EBF2: variants seen among roughly 807,000 people sequenced by gnomAD.
EBF2 encodes the protein transcription factor COE2.
EBF2 carries 21 observed loss-of-function variants against 72.8 expected under a neutral mutation model. That is an observed-to-expected ratio of 0.29 (90% CI 0.20 to 0.42). The LOEUF is 0.42. Ranked by LOEUF, EBF2 falls within the 10% of genes least tolerant of loss-of-function variation. The pLI is 1.00. For synonymous variants in EBF2, 299 were observed against 274.2 expected, an observed-to-expected ratio of 1.09 and a Z score of -0.89; for missense variants, 637 against 731.2, an observed-to-expected ratio of 0.87 and a Z score of 1.49.
intron 15 of EBF2, 110 bp downstream of exon 15, chr8:25,850,484 A>G (rs1244862921): frequency 7.7e-7 from 1 of 1,297,942 alleles, no homozygotes; most frequent in Non-Finnish European, 1.0e-6. Context: ...AGAACAGCAA[A>G]GCATCTCTTT....
chr8:25,979,221 G>A (rs1013256582), intron 6 of EBF2, among the ~76,000 whole-genome samples: 1 of 152,204 alleles, frequency 6.6e-6, no homozygotes, highest in Non-Finnish European at 1.5e-5. Context: ...AGGGTGAAAG[G>A]AGAGAAAATG....
At position 25,850,578 on chromosome 8, in the gene EBF2, T is replaced by A; in HGVS notation, c.1696+16A>T. The A allele has an allele frequency of 6.5e-7, 1 of 1,533,286 alleles. No homozygotes were observed. The highest frequency in any genetic ancestry group is 8.7e-7 in the Non-Finnish European group (1 of 1,149,902). 95.0% of individuals were successfully genotyped at this position (1,533,286 alleles called of 1,614,324 possible). A position where few individuals can be genotyped will look rare whatever the true frequency, so the allele number is the denominator to read the frequency against. On this transcript the variant is annotated intron_variant, in intron 15 of 15. Transcript: ENST00000520164. ...TATGGTACATTGTGTATCCCCAAAA[T>A]AGAACCCTTGCTTACCTCTGAATCC... is the stretch of plus-strand genomic sequence containing the variant.
At chr8:25,895,784 T>A (rs937226753) in intron 7 of EBF2, among the ~76,000 whole-genome samples, 1 of 152,188 alleles carries the variant, frequency 6.6e-6, no homozygotes, top group Non-Finnish European at 1.5e-5. Context: ...AATTTTCCAA[T>A]AGAGGAGTTA....
chr8:25,990,931 A>C (rs1477808235), intron 6 of EBF2, among the ~76,000 whole-genome samples: 1 of 152,234 alleles, frequency 6.6e-6, no homozygotes, highest in Non-Finnish European at 1.5e-5. Context: ...GCAGCACCAA[A>C]TTAAAATGGT....
chr8:25,917,452 T>C (rs1319468595), intron 6 of EBF2, among the ~76,000 whole-genome samples: 1 of 152,206 alleles, frequency 6.6e-6, no homozygotes, highest in Non-Finnish European at 1.5e-5. Flanking sequence ...GGAGGGCTCT[T>C]TGCAAAGCAC....
At chr8:25,983,837 T>C (rs530396171) in intron 6 of EBF2, among the ~76,000 whole-genome samples, 1 of 152,400 alleles carries the variant, frequency 6.6e-6, no homozygotes, top group African/African-American at 2.4e-5. Flanking sequence ...GGTATCAATG[T>C]CGATTTAAAA....
At chr8:25,911,023 G>A (rs553888787) in intron 6 of EBF2, among the ~76,000 whole-genome samples, 2 of 151,810 alleles carry the variant, frequency 1.3e-5, no homozygotes, top group South Asian at 2.1e-4. Context: ...TACTTTAACT[G>A]GTGTCTTCTG....
chr8:25,946,615 T>A (rs150334180), intron 6 of EBF2, among the ~76,000 whole-genome samples: 5 of 152,170 alleles, frequency 3.3e-5, no homozygotes, highest in Non-Finnish European at 5.9e-5. Context: ...CCTCATTGAA[T>A]GACAACACCC....
intron 15 of EBF2, among the ~76,000 whole-genome samples, chr8:25,848,642 G>A (rs566659802): frequency 4.6e-5 from 7 of 152,162 alleles, no homozygotes; most frequent in South Asian, 2.1e-4. Context: ...CCACTTTCCC[G>A]TGAGAGAGGA....
chr8:25,978,311 C>T (rs1369950409), intron 6 of EBF2, among the ~76,000 whole-genome samples: 1 of 152,168 alleles, frequency 6.6e-6, no homozygotes, highest in African/African-American at 2.4e-5. Flanking sequence ...AGGAGAGCAG[C>T]GGCATTTGGT....
chr8:25,906,419 G>A (rs1331426776), intron 7 of EBF2, among the ~76,000 whole-genome samples: 2 of 152,046 alleles, frequency 1.3e-5, no homozygotes, highest in African/African-American at 4.8e-5. Flanking sequence ...CACCATGCAC[G>A]AAGTTCCTGT....
chr8:25,990,412 C>T (rs1305009493), intron 6 of EBF2, among the ~76,000 whole-genome samples: 1 of 152,108 alleles, frequency 6.6e-6, no homozygotes, highest in South Asian at 2.1e-4. Context: ...TCCAAGAACC[C>T]TCCTCAATGT....
chr8:25,958,057 C>G (rs374792003), intron 6 of EBF2, among the ~76,000 whole-genome samples: 12 of 152,274 alleles, frequency 7.9e-5, no homozygotes, highest in East Asian at 5.8e-4. Context: ...TGCTGCATGT[C>G]TTCTCATGAG....
At position 25,908,467 on chromosome 8, in the gene EBF2, C is replaced by G. The variant is rs1260063714; in HGVS notation, c.633+7G>C. 6.2e-7 allele frequency: 1 copy of G among 1,605,230 alleles called. No individual in the cohort carries two copies. On this transcript the variant is annotated splice_region_variant and intron_variant, in intron 7 of 15. Transcript: ENST00000520164. Reference sequence around the variant, plus strand: ...ATTTAACAGGAAAGATCTGCAGGGCCCCTTACCTGAAACCGTCTCATGTCC... The same window carrying G: ...ATTTAACAGGAAAGATCTGCAGGGCGCCTTACCTGAAACCGTCTCATGTCC...
intron 6 of EBF2, among the ~76,000 whole-genome samples, chr8:25,966,710 T>C (rs1804120913): frequency 6.6e-6 from 1 of 152,186 alleles, no homozygotes; most frequent in African/African-American, 2.4e-5. Flanking sequence ...CTGCCTTCTG[T>C]TGCAAACCTT....
chr8:25,874,333 C>G (rs1225148214), intron 10 of EBF2, among the ~76,000 whole-genome samples: 1 of 152,048 alleles, frequency 6.6e-6, no homozygotes, highest in Non-Finnish European at 1.5e-5. Flanking sequence ...AAACCTCGGC[C>G]TCTGATTTTT....
intron 6 of EBF2, among the ~76,000 whole-genome samples, chr8:26,000,092 GA>G (rs1804700631): frequency 6.6e-6 from 1 of 152,152 alleles, no homozygotes; most frequent in African/African-American, 2.4e-5. Context: ...GATATTTCTG[GA>G]GTCCTAGAAC....
At chr8:25,855,161 G>GA (rs1802062477) in intron 14 of EBF2, among the ~76,000 whole-genome samples, 2 of 152,158 alleles carry the variant, frequency 1.3e-5, no homozygotes, top group Admixed American at 1.3e-4. Flanking sequence ...GGGAGTTAAG[G>GA]AAAAACCACT....
chr8:25,989,604 A>G (rs1202246443), intron 6 of EBF2, among the ~76,000 whole-genome samples: 2 of 152,228 alleles, frequency 1.3e-5, no homozygotes, highest in Non-Finnish European at 2.9e-5. Context: ...TGATTCAGAT[A>G]CATGACAACG....
Sources: allele counts gnomAD v4.1 joint callset (sites outside exome capture counted in the v4.1 genomes callset), GRCh38; gene constraint gnomAD v4.1.1; transcripts MANE v1.5; gene names NCBI Gene and HGNC (gene_info 2026-07-23, HGNC 2026-07-21).